Variants in ABL1 observed in about 807,000 individuals in gnomAD.
ABL1 encodes the protein tyrosine-protein kinase ABL1.
ABL1 carries 11 observed loss-of-function variants against 94.7 expected under a neutral mutation model. The observed-to-expected ratio is 0.12, with a 90% CI of 0.07 to 0.19. The LOEUF (loss-of-function observed/expected upper bound fraction) is 0.19. Among genes scored for constraint, ABL1 ranks in the 10% least tolerant of loss-of-function variants. The pLI is 1.00. For synonymous variants in ABL1, 656 were observed against 622.4 expected, an observed-to-expected ratio of 1.05 and a Z score of -0.80; for missense variants, 1,082 against 1,489.4, an observed-to-expected ratio of 0.73 and a Z score of 4.50.
intron 1 of ABL1, among the ~76,000 whole-genome samples, chr9:130,773,093 G>T (rs1193213425): frequency 6.6e-6 from 1 of 152,202 alleles, no homozygotes; most frequent in African/African-American, 2.4e-5. Flanking sequence ...GGCCAAGGCG[G>T]GTGGATCACC....
chr9:130,729,112 A>T (rs1369018976), intron 1 of ABL1, among the ~76,000 whole-genome samples: 2 of 152,178 alleles, frequency 1.3e-5, no homozygotes, highest in African/African-American at 2.4e-5. Context: ...TGGTCCAGAC[A>T]CCCGGCCCTT....
chr9:130,763,562 G>T (rs562050600), intron 1 of ABL1, among the ~76,000 whole-genome samples: 2 of 152,276 alleles, frequency 1.3e-5, no homozygotes, highest in African/African-American at 4.8e-5. Flanking sequence ...TCATTTGAAG[G>T]CTTAACTGGG....
intron 1 of ABL1, among the ~76,000 whole-genome samples, chr9:130,782,051 AT>A (rs1829763070): frequency 6.8e-6 from 1 of 146,500 alleles, no homozygotes; most frequent in South Asian, 2.1e-4. Context: ...AGTGAGTGAT[AT>A]TTTCTTTTTC....
At chr9:130,772,680 G>A (rs1416758594) in intron 1 of ABL1, among the ~76,000 whole-genome samples, 1 of 152,154 alleles carries the variant, frequency 6.6e-6, no homozygotes, top group Non-Finnish European at 1.5e-5. Context: ...GTACAGGCAG[G>A]AGACACAGAA....
intron 1 of ABL1, among the ~76,000 whole-genome samples, chr9:130,808,214 T>TTTCTTCTTCTTC (rs372530078): frequency 1.6e-4 from 23 of 143,056 alleles, no homozygotes; most frequent in East Asian, 6.1e-4. Flanking sequence ...CCTAATTTCT[T>TTTCTTCTTCTTC]TTCTTCTTCT....
intron 1 of ABL1, among the ~76,000 whole-genome samples, chr9:130,841,660 A>G (rs952251754): frequency 6.6e-6 from 1 of 151,684 alleles, no homozygotes; most frequent in Non-Finnish European, 1.5e-5. Context: ...AAAATATAAA[A>G]AATTAGCCAG....
At chr9:130,755,927 G>A (rs1388154886) in intron 1 of ABL1, among the ~76,000 whole-genome samples, 1 of 152,146 alleles carries the variant, frequency 6.6e-6, no homozygotes, top group African/African-American at 2.4e-5. Context: ...GCTTCCGTGT[G>A]CAGCAGCAGC....
chr9:130,853,349 T>C (rs1286045173), intron 1 of ABL1, among the ~76,000 whole-genome samples: 1 of 148,762 alleles, frequency 6.7e-6, no homozygotes, highest in Non-Finnish European at 1.5e-5. Flanking sequence ...CTGATTTTTG[T>C]ATTTGTAGTA....
intron 1 of ABL1, among the ~76,000 whole-genome samples, chr9:130,794,833 T>C (rs921680218): frequency 6.6e-6 from 1 of 152,158 alleles, no homozygotes; most frequent in Admixed American, 6.5e-5. Context: ...GTTCCACTCT[T>C]CTTGAGATTT....
intron 1 of ABL1, among the ~76,000 whole-genome samples, chr9:130,765,916 C>T (rs1298615527): frequency 6.6e-6 from 1 of 152,186 alleles, no homozygotes; most frequent in African/African-American, 2.4e-5. Context: ...AACGGTTTGT[C>T]AGCAGAATTT....
intron 1 of ABL1, among the ~76,000 whole-genome samples, chr9:130,800,972 C>T (rs547100743): frequency 5.9e-4 from 90 of 151,274 alleles, no homozygotes; most frequent in South Asian, 5.1e-3. Context: ...TCTGTGTCGC[C>T]CAGGCTGGAG....
At chr9:130,878,347 G>T in intron 7 of ABL1, 68 bp from the exon 8 acceptor site, 1 of 1,574,646 alleles carries the variant, frequency 6.4e-7, no homozygotes, top group South Asian at 1.1e-5. Flanking sequence ...AAAGGTAACT[G>T]ATTTTAAATG....
intron 1 of ABL1, among the ~76,000 whole-genome samples, chr9:130,717,037 A>G (rs753274034): frequency 1.2e-4 from 19 of 152,024 alleles, no homozygotes; most frequent in South Asian, 4.1e-4. Context: ...CAGTAAATCA[A>G]TATTTTCTTT....
At chr9:130,865,901 G>C (rs1468248203) in intron 4 of ABL1, among the ~76,000 whole-genome samples, 6 of 152,034 alleles carry the variant, frequency 3.9e-5, no homozygotes, top group Non-Finnish European at 7.4e-5. Flanking sequence ...ACAACCTTAA[G>C]ATCCTTCCAG....
chr9:130,885,701 G>A lies in ABL1; in HGVS notation c.*18G>A, dbSNP rs755241377. On this transcript the variant is annotated 3_prime_UTR_variant, in exon 11 of 11. Coordinates refer to ENST00000318560, the MANE Select transcript of ABL1 (RefSeq NM_005157.6). ...AGAGGTAGCAGCAGTCAGGGGTCAG[G>A]TGTCAGGCCCGTCGGAGCTGCCTGC... 1 of 1,598,454 alleles carries A rather than the reference G, an allele frequency of 6.3e-7. No individual in the cohort carries two copies. Among genetic ancestry groups the A allele is most frequent in the East Asian group, 2.2e-5 (1 of 44,678 alleles).
chr9:130,854,026 T>C, intron 1 of ABL1, 38 bp from the exon 2 acceptor site: 1 of 1,555,470 alleles, frequency 6.4e-7, no homozygotes, highest in Non-Finnish European at 8.7e-7. Flanking sequence ...AATTTTCTCT[T>C]CCTTTTTCTT....
At chr9:130,875,572 T>G (rs957259231) in intron 7 of ABL1, among the ~76,000 whole-genome samples, 12 of 152,166 alleles carry the variant, frequency 7.9e-5, no homozygotes, top group African/African-American at 2.9e-4. Flanking sequence ...TGCTGTTTAT[T>G]GAAGAAACCA....
At chr9:130,853,945 T>C in intron 1 of ABL1, 119 bp from the exon 2 acceptor site, 1 of 1,044,832 alleles carries the variant, frequency 9.6e-7, no homozygotes, top group Non-Finnish European at 1.4e-6. Context: ...TGTTAAGAAA[T>C]GAAATAGGAA....
At chr9:130,829,114 T>A (rs1489632005) in intron 1 of ABL1, among the ~76,000 whole-genome samples, 1 of 152,118 alleles carries the variant, frequency 6.6e-6, no homozygotes, top group East Asian at 1.9e-4. Context: ...GCCTTCAAAG[T>A]TCATTTGGGA....
Sources: allele counts gnomAD v4.1 joint callset (sites outside exome capture counted in the v4.1 genomes callset), GRCh38; gene constraint gnomAD v4.1.1; transcripts MANE v1.5; gene names NCBI Gene and HGNC (gene_info 2026-07-23, HGNC 2026-07-21).